Variants in PHACTR1 observed in about 807,000 individuals in gnomAD.
PHACTR1 encodes the protein phosphatase and actin regulator 1.
In PHACTR1, 16 loss-of-function variants were observed where a neutral mutation model predicts 69.2. The ratio of observed to expected loss-of-function variants is 0.23; its 90% confidence interval spans 0.16 to 0.35. The LOEUF (loss-of-function observed/expected upper bound fraction) is 0.35, where lower values mean the gene tolerates loss of function less well. Ranked by LOEUF, PHACTR1 falls within the 10% of genes least tolerant of loss-of-function variation. The pLI is 1.00. For missense variants in PHACTR1, 510 were observed against 734.7 expected (o/e 0.69, Z 3.54); for synonymous variants, 312 against 284.5 (o/e 1.10, Z -0.97).
chr6:13,010,817 T>TA (rs112258683), intron 4 of PHACTR1, among the ~76,000 whole-genome samples: 2,132 of 143,246 alleles, frequency 0.015, 45 homozygotes, highest in African/African-American at 0.047. Flanking sequence ...TCAACTTGGT[T>TA]AAAAAAAAAA....
chr6:12,808,489 A>G (rs370337911), intron 4 of PHACTR1, among the ~76,000 whole-genome samples: 13 of 152,346 alleles, frequency 8.5e-5, no homozygotes, highest in African/African-American at 3.1e-4. Context: ...GGTAATTAAA[A>G]GAGTAAAAAT....
chr6:12,977,369 C>T (rs926633187), intron 4 of PHACTR1, among the ~76,000 whole-genome samples: 1 of 91,668 alleles, frequency 1.1e-5, no homozygotes, highest in Non-Finnish European at 2.2e-5. Flanking sequence ...TTCTACTTCT[C>T]TCTCTCTCTT....
intron 5 of PHACTR1, among the ~76,000 whole-genome samples, chr6:13,066,411 C>A (rs570409653): frequency 9.2e-5 from 14 of 152,130 alleles, no homozygotes; most frequent in African/African-American, 1.4e-4. Flanking sequence ...CTTATGGATG[C>A]GTAAGATGGA....
At chr6:13,197,816 A>G (rs2113825427) in intron 7 of PHACTR1, among the ~76,000 whole-genome samples, 1 of 152,252 alleles carries the variant, frequency 6.6e-6, no homozygotes, top group South Asian at 2.1e-4. Flanking sequence ...TGCTGGGATA[A>G]TCTCCTCCTC....
chr6:12,980,573 G>T (rs1795398827), intron 4 of PHACTR1, among the ~76,000 whole-genome samples: 1 of 151,970 alleles, frequency 6.6e-6, no homozygotes, highest in Non-Finnish European at 1.5e-5. Context: ...AAATTGTGGT[G>T]AGTTTAGATT....
Position 13,283,264 on chromosome 6 carries a change from CACCCTGGCCCT to C in PHACTR1, c.1510-157_1510-147del. 1 of 721,798 alleles carries C rather than the reference CACCCTGGCCCT, an allele frequency of 1.4e-6. No individual in the cohort carries two copies. Among genetic ancestry groups the C allele is most frequent in the Non-Finnish European group, 2.2e-6 (1 of 452,158 alleles). 44.7% of individuals were successfully genotyped at this position (721,798 alleles called of 1,614,324 possible). On this transcript the variant is annotated intron_variant, in intron 12 of 14. Transcript: ENST00000332995. The surrounding 1 kb of genome is among the most constrained non-coding windows in gnomAD (Gnocchi z 4.7). ...AAGAGTCAGGAGACTTGGGTCCCCC[CACCCTGGCCCT>C]CCCCCTGCCCCTGCCCCTCACTCAC...
intron 4 of PHACTR1, among the ~76,000 whole-genome samples, chr6:12,974,311 C>T (rs1193374294): frequency 6.6e-6 from 1 of 152,172 alleles, no homozygotes; most frequent in East Asian, 1.9e-4. Context: ...TTCTCTGTAA[C>T]TCCTGTCACC....
At chr6:12,859,810 C>G (rs755942728) in intron 4 of PHACTR1, among the ~76,000 whole-genome samples, 2 of 152,122 alleles carry the variant, frequency 1.3e-5, no homozygotes, top group Non-Finnish European at 2.9e-5. Context: ...AACATGGGCT[C>G]TAATACATGA....
At chr6:13,160,398 C>G (rs1758818379) in intron 6 of PHACTR1, 114 bp downstream of exon 6, 1 of 921,520 alleles carries the variant, frequency 1.1e-6, no homozygotes, top group Non-Finnish European at 1.8e-6. Flanking sequence ...GGATTTGAAC[C>G]ATTAAAACTC....
At chr6:12,745,029 A>G (rs1162707775) in intron 3 of PHACTR1, among the ~76,000 whole-genome samples, 4 of 152,184 alleles carry the variant, frequency 2.6e-5, no homozygotes, top group Admixed American at 2.6e-4. Context: ...GTAGGTTCAG[A>G]TTGGGGGCCT....
intron 4 of PHACTR1, among the ~76,000 whole-genome samples, chr6:12,960,700 A>C (rs1792603599): frequency 6.6e-6 from 1 of 152,120 alleles, no homozygotes; most frequent in Non-Finnish European, 1.5e-5. Context: ...CCATGCTATA[A>C]GTTGTGATTC....
At chr6:12,962,200 G>C (rs1056721240) in intron 4 of PHACTR1, among the ~76,000 whole-genome samples, 1 of 152,126 alleles carries the variant, frequency 6.6e-6, no homozygotes. Context: ...CTCCCAAAAT[G>C]CTGGGTTGAG....
chr6:12,924,739 C>T (rs1300452749), intron 4 of PHACTR1, among the ~76,000 whole-genome samples: 3 of 149,850 alleles, frequency 2.0e-5, no homozygotes, highest in East Asian at 2.0e-4. Context: ...CACACCACTG[C>T]ACTCCAGCCT....
chr6:12,923,239 C>T (rs1048525254), intron 4 of PHACTR1, among the ~76,000 whole-genome samples: 1 of 151,960 alleles, frequency 6.6e-6, no homozygotes, highest in African/African-American at 2.4e-5. Flanking sequence ...AAGTCTTTAT[C>T]AAAGGTCATG....
chr6:13,266,744 A>C (rs1776779232), intron 10 of PHACTR1: 1 of 152,294 alleles, frequency 6.6e-6, no homozygotes, highest in South Asian at 2.1e-4. Flanking sequence ...GCGAGAATGC[A>C]CTCAACTCAC....
At chr6:13,114,658 A>G (rs1817543560) in intron 5 of PHACTR1, among the ~76,000 whole-genome samples, 3 of 152,124 alleles carry the variant, frequency 2.0e-5, no homozygotes, top group South Asian at 4.2e-4. Flanking sequence ...ACATTTGCCA[A>G]TATCTGGAGG....
Position 13,245,413 on chromosome 6 carries a change from A to G in PHACTR1, c.1391+15220A>G, listed in dbSNP as rs1007212529. ...ATGTGGTTTTGATTTGCATTTCTCT[A>G]ATAATTAATGATGTTGAGCATTTTT... On this transcript the variant is annotated intron_variant, in intron 10 of 14. Transcript: ENST00000332995. This position sits in a 1 kb window ranked among gnomAD's most constrained non-coding sequence, Gnocchi z 4.1. Among the ~76,000 whole-genome samples the G allele has an allele frequency of 3.3e-5, 5 of 152,204 alleles. No homozygotes were observed. Among genetic ancestry groups the G allele is most frequent in the Non-Finnish European group, 5.9e-5 (4 of 68,032 alleles).
chr6:12,992,275 A>G (rs1796908093), intron 4 of PHACTR1, among the ~76,000 whole-genome samples: 1 of 152,234 alleles, frequency 6.6e-6, no homozygotes, highest in African/African-American at 2.4e-5. Flanking sequence ...GAAAATCTAG[A>G]AAGATGTTAA....
intron 4 of PHACTR1, among the ~76,000 whole-genome samples, chr6:12,972,029 C>T (rs913402733): frequency 6.6e-6 from 1 of 151,424 alleles, no homozygotes; most frequent in Non-Finnish European, 1.5e-5. Context: ...AGACTCGTTA[C>T]GCAAATTATT....
Sources: gnomAD v4.1 joint callset for allele counts (sites outside exome capture counted in the v4.1 genomes callset) on GRCh38, gnomAD v4.1.1 for gene constraint, Gnocchi (gnomAD v3.1) non-coding constraint, MANE v1.5 for transcripts, NCBI Gene and HGNC (gene_info 2026-07-23, HGNC 2026-07-21) for gene names.